The following ESCO2 variants were observed in gnomAD, a reference collection of about 807,000 sequenced individuals.
ESCO2 encodes establishment of sister chromatid cohesion N-acetyltransferase 2.
Under a neutral mutation model 61.7 loss-of-function variants are expected in ESCO2, and 51 were observed. The observed-to-expected ratio is 0.83, with a 90% confidence interval of 0.66 to 1.04. The LOEUF (loss-of-function observed/expected upper bound fraction) is 1.04. ESCO2 is among the 50% of genes least tolerant of loss of function. The pLI, the probability that ESCO2 is intolerant of heterozygous loss-of-function variation, is 0.00. For missense variants in ESCO2, 692 were observed against 686.2 expected (o/e 1.01, Z -0.09); for synonymous variants, 230 against 238.2 (o/e 0.97, Z 0.32).
downstream of ESCO2, among the ~76,000 whole-genome samples, chr8:27,817,597 A>G (rs1292380728): frequency 6.6e-6 from 1 of 151,920 alleles, no homozygotes; most frequent in South Asian, 2.1e-4. Flanking sequence ...CTTTTGCGCA[A>G]TGAAGTTTTG....
chr8:27,801,197 A>C (rs571790674), intron 10 of ESCO2, among the ~76,000 whole-genome samples: 9 of 152,332 alleles, frequency 5.9e-5, no homozygotes, highest in African/African-American at 2.2e-4. Context: ...TGTCACAAAC[A>C]AGCCTGTTTG....
At chr8:27,772,448 A>T, upstream of ESCO2, 3 of 1,494,642 alleles carry the variant, frequency 2.0e-6, no homozygotes, top group Non-Finnish European at 2.7e-6. Flanking sequence ...GCAGCGGCGG[A>T]CTGCGGGTCC....
chr8:27,783,978 A>G (rs758117001), intron 4 of ESCO2, 22 bp from the exon 5 acceptor site: 2 of 1,592,256 alleles, frequency 1.3e-6, no homozygotes, highest in Non-Finnish European at 1.7e-6. Context: ...AATACACATT[A>G]TCATGATTTT....
chr8:27,775,431 A>G (rs1804767340), intron 1 of ESCO2, 68 bp from the exon 2 acceptor site: 2 of 1,319,356 alleles, frequency 1.5e-6, no homozygotes, highest in Middle Eastern at 1.8e-4. Flanking sequence ...GACTAATTAA[A>G]GGGGGTATAA....
At chr8:27,792,293 A>G (rs1563477034) in intron 8 of ESCO2, among the ~76,000 whole-genome samples, 1 of 152,176 alleles carries the variant, frequency 6.6e-6, no homozygotes, top group East Asian at 1.9e-4. Context: ...TAAGCTTTCA[A>G]TGTTGAGAAA....
chr8:27,811,410 T>A (rs1028421897), downstream of ESCO2: 40 of 537,400 alleles, frequency 7.4e-5, no homozygotes, highest in African/African-American at 6.9e-4. Flanking sequence ...GATTACAGAC[T>A]CTGGAGCCAG....
At chr8:27,785,804 A>G (rs949618467) in intron 5 of ESCO2, among the ~76,000 whole-genome samples, 11 of 152,056 alleles carry the variant, frequency 7.2e-5, no homozygotes, top group African/African-American at 2.7e-4. Flanking sequence ...GATTTAATCT[A>G]TTACTTCAGA....
downstream of ESCO2, among the ~76,000 whole-genome samples, chr8:27,806,993 G>A (rs1169671456): frequency 6.7e-6 from 1 of 148,516 alleles, no homozygotes; most frequent in African/African-American, 2.5e-5. Context: ...CAAGTTTTCT[G>A]TTTTGACTTT....
intron 3 of ESCO2, chr8:27,778,819 T>C (rs1208378739): frequency 4.6e-5 from 7 of 152,246 alleles, no homozygotes; most frequent in African/African-American, 1.7e-4. Flanking sequence ...TGGGCTTTTG[T>C]GCATTTTAAA....
upstream of ESCO2, among the ~76,000 whole-genome samples, chr8:27,773,209 A>G (rs1180029387): frequency 1.3e-5 from 2 of 152,178 alleles, no homozygotes; most frequent in Non-Finnish European, 1.5e-5. Context: ...TGAGCTATGT[A>G]TTCATCTACT....
intron 7 of ESCO2, among the ~76,000 whole-genome samples, chr8:27,789,385 T>C (rs1246886145): frequency 6.6e-6 from 1 of 152,194 alleles, no homozygotes; most frequent in Non-Finnish European, 1.5e-5. Flanking sequence ...TTTTTCCCTA[T>C]TTTTATTGCC....
chr8:27,775,692 T>G, intron 2 of ESCO2, 125 bp downstream of exon 2: 1 of 816,006 alleles, frequency 1.2e-6, no homozygotes, highest in Non-Finnish European at 2.1e-6. Context: ...AGTGATAACC[T>G]GATAACCTAT....
intron 9 of ESCO2, among the ~76,000 whole-genome samples, chr8:27,793,117 G>T (rs1805214851): frequency 6.6e-6 from 1 of 152,148 alleles, no homozygotes; most frequent in South Asian, 2.1e-4. Flanking sequence ...CTTAGTGAAG[G>T]TTAATATTTT....
intron 3 of ESCO2, chr8:27,777,425 A>T (rs1233024807): frequency 7.2e-6 from 2 of 276,364 alleles, no homozygotes; most frequent in Non-Finnish European, 1.4e-5. Flanking sequence ...CAGCCTCCCA[A>T]GTAGCTGGTA....
chr8:27,790,103 T>G (rs559227006), intron 7 of ESCO2, among the ~76,000 whole-genome samples: 27 of 152,330 alleles, frequency 1.8e-4, no homozygotes, highest in African/African-American at 6.3e-4. Context: ...ACAGATCTCT[T>G]CATATTTGGC....
chr8:27,797,816 A>G (rs896299382), intron 9 of ESCO2, among the ~76,000 whole-genome samples: 4 of 152,182 alleles, frequency 2.6e-5, no homozygotes, highest in African/African-American at 7.2e-5. Context: ...AAAGCTCTGC[A>G]CTTTTTTTCC....
At chr8:27,773,301 A>G (rs900261957), upstream of ESCO2, among the ~76,000 whole-genome samples, 2 of 152,162 alleles carry the variant, frequency 1.3e-5, no homozygotes, top group East Asian at 3.9e-4. Context: ...CCCACACCCT[A>G]TAGTTTAACA....
Position 27,805,000 on chromosome 8 carries a change from C to CTTAATCCTGCTTTGAGTTTA in ESCO2, c.*1562_*1563insTTAATCCTGCTTTGAGTTTA. On this transcript the variant is annotated 3_prime_UTR_variant, in exon 11 of 11. Coordinates refer to ENST00000305188, the MANE Select transcript of ESCO2 (RefSeq NM_001017420.3). The stretch of plus-strand genomic sequence containing the variant: ...GAGATTGCCAAAAGAAGAGGCTTCC[C>CTTAATCCTGCTTTGAGTTTA]GGCCGGGCGCGGTGGCTCACGCCTG... The CTTAATCCTGCTTTGAGTTTA allele has an allele frequency of 1.7e-3, 380 of 227,008 alleles. 1 individual carries two copies. Among genetic ancestry groups the CTTAATCCTGCTTTGAGTTTA allele is most frequent in the Middle Eastern group, 7.0e-3 (3 of 430 alleles). The allele number at this position is 227,008 out of a possible 1,614,324, so 14.1% of individuals were successfully genotyped here. A position where few individuals can be genotyped will look rare whatever the true frequency, so the allele number is the denominator to read the frequency against.
downstream of ESCO2, among the ~76,000 whole-genome samples, chr8:27,807,003 T>C (rs1430673064): frequency 1.4e-5 from 2 of 146,686 alleles, no homozygotes; most frequent in South Asian, 2.2e-4. Flanking sequence ...GTTTTGACTT[T>C]GTATTCACAA....
Sources: gnomAD v4.1 joint callset for allele counts (sites outside exome capture counted in the v4.1 genomes callset) on GRCh38, gnomAD v4.1.1 for gene constraint, MANE v1.5 for transcripts, NCBI Gene and HGNC (gene_info 2026-07-23, HGNC 2026-07-21) for gene names.